The following SENP2 variants were observed in gnomAD, a reference collection of about 807,000 sequenced individuals.
The protein encoded by SENP2 is SUMO specific peptidase 2, also known as sentrin-specific protease 2.
SENP2 carries 16 observed loss-of-function variants against 86.3 expected under a neutral mutation model. The observed-to-expected ratio is 0.19, with a 90% confidence interval of 0.13 to 0.28. The LOEUF is 0.28. Among genes scored for constraint, SENP2 ranks in the 10% least tolerant of loss-of-function variants. SENP2 has a pLI of 1.00. For missense variants in SENP2, 552 were observed against 703.0 expected, an observed-to-expected ratio of 0.79 and a Z score of 2.43; for synonymous variants, 222 against 238.7, an observed-to-expected ratio of 0.93 and a Z score of 0.64.
At chr3:185,588,297 G>A (rs1223956885) in intron 1 of SENP2, among the ~76,000 whole-genome samples, 1 of 146,074 alleles carries the variant, frequency 6.8e-6, no homozygotes, top group African/African-American at 2.5e-5. Flanking sequence ...CGCCCGTCTC[G>A]GTCTCCCAGA....
chr3:185,618,924 G>T (rs959090529), intron 12 of SENP2, among the ~76,000 whole-genome samples: 1 of 152,144 alleles, frequency 6.6e-6, no homozygotes, highest in South Asian at 2.1e-4. Flanking sequence ...TATTATTTTG[G>T]TGTATGTCCT....
At chr3:185,613,144 G>A (rs1722749467) in intron 9 of SENP2, among the ~76,000 whole-genome samples, 1 of 152,236 alleles carries the variant, frequency 6.6e-6, no homozygotes, top group South Asian at 2.1e-4. Flanking sequence ...TTGCCACGAT[G>A]TGCCCAAGAC....
chr3:185,614,799 C>A (rs34162716), intron 11 of SENP2, 59 bp downstream of exon 11: 2 of 1,513,430 alleles, frequency 1.3e-6, no homozygotes, highest in Non-Finnish European at 9.1e-7. Flanking sequence ...CTCAGTTATT[C>A]TAACTTGAAT....
chr3:185,629,900 A>G lies in SENP2; in HGVS notation c.*56A>G. ...GTGGTTCTTTCACAGACATTTCCAT[A>G]TACCTCATGCATTGTGGGTTAAAAA... On this transcript the variant is annotated 3_prime_UTR_variant, in exon 17 of 17. Coordinates refer to ENST00000296257, the MANE Select transcript of SENP2 (RefSeq NM_021627.3). 3.3e-6 allele frequency: 5 copies of G among 1,537,458 alleles called. No homozygotes were observed. The highest frequency in any genetic ancestry group is 4.5e-6 in the Non-Finnish European group (5 of 1,110,696).
chr3:185,611,831 A>G lies in SENP2; in HGVS notation c.817+86A>G, dbSNP rs532701070. On this transcript the variant is annotated intron_variant, in intron 8 of 16. Transcript: ENST00000296257. ...ATATGAGGTAGAAAATTGACATTCAAGTGTAGATGGTGTACCAAAATACTG... is the reference window on the plus strand; with the variant it reads ...ATATGAGGTAGAAAATTGACATTCAGGTGTAGATGGTGTACCAAAATACTG... 120 of 976,228 alleles carry G rather than the reference A, an allele frequency of 1.2e-4. No homozygotes were observed. The South Asian group carries it at 1.7e-3, about 14-fold the overall frequency. The allele number at this position is 976,228 out of a possible 1,614,324, so 60.5% of individuals were successfully genotyped here.
chr3:185,624,184 T>A, intron 15 of SENP2, 102 bp downstream of exon 15: 1 of 674,078 alleles, frequency 1.5e-6, no homozygotes, highest in South Asian at 2.0e-5. Context: ...CCCTGCATGC[T>A]TTTAAAGTAC....
chr3:185,628,072 T>C (rs1712229811), intron 16 of SENP2, among the ~76,000 whole-genome samples: 1 of 152,188 alleles, frequency 6.6e-6, no homozygotes, highest in South Asian at 2.1e-4. Flanking sequence ...TTTAAAATAA[T>C]TTAAGAATCA....
At position 185,631,298 on chromosome 3, in the gene SENP2, T is replaced by G. The variant is rs1281891782; in HGVS notation, c.*1454T>G. The G allele has an allele frequency of 1.2e-4, 18 of 152,078 alleles. No homozygotes were observed. Among genetic ancestry groups the G allele is most frequent in the Non-Finnish European group, 2.4e-4 (16 of 68,082 alleles). 9.4% of individuals were successfully genotyped at this position (152,078 alleles called of 1,614,324 possible). ...GCTATTGCAGCCAGTTCCCTGAGAC[T>G]TGTAAAACTCCTGGTTTAGGACATG... On this transcript the variant is annotated 3_prime_UTR_variant, in exon 17 of 17. Coordinates refer to ENST00000296257, the MANE Select transcript of SENP2 (RefSeq NM_021627.3).
Position 185,600,819 on chromosome 3 carries a change from C to G in SENP2, c.413C>G (p.Thr138Ser), listed in dbSNP as rs758372238. Residue 138 changes from threonine (T) to serine (S), a missense_variant, in exon 5 of 17, where the codon ACC becomes AGC. Coordinates refer to ENST00000296257, the MANE Select transcript of SENP2 (RefSeq NM_021627.3). ...SDYPKIRVTV[T>S]RDQPRRVLPS... is the part of the protein sequence containing the mutation. ...TATCCAAAGATCAGAGTGACAGTTA[C>G]CCGAGATCAGCCACGCAGAGTCCTG... is the stretch of plus-strand genomic sequence containing the variant. 1 of 1,612,436 alleles carries G rather than the reference C, an allele frequency of 6.2e-7. No individual in the cohort carries two copies. The highest frequency in any genetic ancestry group is 8.5e-7 in the Non-Finnish European group (1 of 1,178,540).
chr3:185,611,193 T>C (rs902348253), intron 7 of SENP2, among the ~76,000 whole-genome samples: 2 of 152,054 alleles, frequency 1.3e-5, no homozygotes, highest in Non-Finnish European at 2.9e-5. Flanking sequence ...GGAGAACCAC[T>C]TGAACCTGAG....
At chr3:185,598,158 G>A (rs1336346037) in intron 2 of SENP2, among the ~76,000 whole-genome samples, 4 of 151,954 alleles carry the variant, frequency 2.6e-5, no homozygotes, top group Non-Finnish European at 4.4e-5. Flanking sequence ...GACTACAGGC[G>A]TGTGATACCA....
chr3:185,621,392 T>C (rs1374361269), intron 13 of SENP2, among the ~76,000 whole-genome samples: 46 of 131,670 alleles, frequency 3.5e-4, no homozygotes, highest in South Asian at 1.6e-3. Flanking sequence ...TTTTCTTTTT[T>C]TTTTTTTTTT....
At position 185,611,729 on chromosome 3, in the gene SENP2, G is replaced by A; in HGVS notation, c.801G>A (p.Gln267=). 3 of 1,612,464 alleles carry A rather than the reference G, an allele frequency of 1.9e-6. No individual in the cohort carries two copies. Among genetic ancestry groups the A allele is most frequent in the Non-Finnish European group, 2.5e-6 (3 of 1,178,990 alleles). ...EEQNHGVKTT[Q]FVPKQYRLVE... ...AAAATCACGGAGTCAAAACAACTCA[G>A]TTTGTTCCAAAACAATGTGAGTTCC... The change falls in exon 8 of 17, where the codon CAG becomes CAA. Residue 267 remains glutamine (Q), a synonymous_variant. Coordinates refer to ENST00000296257, the MANE Select transcript of SENP2 (RefSeq NM_021627.3).
At chr3:185,620,217 T>C (rs13092283) in intron 13 of SENP2, among the ~76,000 whole-genome samples, 44,102 of 151,710 alleles carry the variant, frequency 0.29, 6,873 homozygotes, top group African/African-American at 0.4. Flanking sequence ...CATGCACCAC[T>C]ATGCCTGGCT....
chr3:185,630,016 G>A lies in SENP2; in HGVS notation c.*172G>A, dbSNP rs780789861. 3.2e-6 allele frequency: 2 copies of A among 627,392 alleles called. No homozygotes were observed. The highest frequency in any genetic ancestry group is 2.9e-6 in the Non-Finnish European group (1 of 350,362). 38.9% of individuals were successfully genotyped at this position (627,392 alleles called of 1,614,324 possible). A position where few individuals can be genotyped will look rare whatever the true frequency, so the allele number is the denominator to read the frequency against. The stretch of plus-strand genomic sequence containing the variant: ...TACTCTAGTCCTGACTTGGGGTGCA[G>A]AGGGCTGCTTGCAATCCTGTTTGTA... On this transcript the variant is annotated 3_prime_UTR_variant, in exon 17 of 17. Coordinates refer to ENST00000296257, the MANE Select transcript of SENP2 (RefSeq NM_021627.3).
chr3:185,589,773 A>T (rs75020582), intron 1 of SENP2, among the ~76,000 whole-genome samples: 3,947 of 152,190 alleles, frequency 0.026, 73 homozygotes, highest in Non-Finnish European at 0.038. Context: ...GGCTCAAGTG[A>T]TCCTCCTGCC....
intron 4 of SENP2, among the ~76,000 whole-genome samples, chr3:185,600,100 AGAT>A (rs762311083): frequency 9.9e-5 from 15 of 152,196 alleles, no homozygotes; most frequent in Non-Finnish European, 2.1e-4. Context: ...CCCAGCCCAA[AGAT>A]GATATTACTT....
rs746568980 is a variant in SENP2 at position 185,586,942 on chromosome 3, GA to G, written c.101+431del. 6.6e-6 allele frequency among the ~76,000 whole-genome samples: 1 copy of G among 152,198 alleles called. No homozygotes were observed. Among genetic ancestry groups the G allele is most frequent in the Non-Finnish European group, 1.5e-5 (1 of 68,026 alleles). ...ACTGCAAGTACTGTCCTTGCAGCAAGAAACAGCACCTGTTTTGTTCCAAAAC... is the reference window on the plus strand; with the variant it reads ...ACTGCAAGTACTGTCCTTGCAGCAAGAACAGCACCTGTTTTGTTCCAAAAC... On this transcript the variant is annotated intron_variant, in intron 1 of 16. Coordinates refer to ENST00000296257, the MANE Select transcript of SENP2 (RefSeq NM_021627.3). This position sits in a 1 kb window ranked among gnomAD's most constrained non-coding sequence, Gnocchi z 4.3.
chr3:185,597,871 C>A (rs945847671), intron 2 of SENP2, among the ~76,000 whole-genome samples: 3 of 152,080 alleles, frequency 2.0e-5, no homozygotes, highest in African/African-American at 4.8e-5. Context: ...TCAGGCTGGT[C>A]TCCAACTCCT....
Sources: allele counts gnomAD v4.1 joint callset (sites outside exome capture counted in the v4.1 genomes callset), GRCh38; gene constraint gnomAD v4.1.1; non-coding constraint Gnocchi (gnomAD v3.1); transcripts MANE v1.5; gene names NCBI Gene and HGNC (gene_info 2026-07-23, HGNC 2026-07-21).